Variants in TMC1 observed in about 807,000 individuals in gnomAD.
The protein encoded by TMC1 is transmembrane channel-like protein 1.
Under a neutral mutation model 105.8 loss-of-function variants are expected in TMC1, and 84 were observed. The ratio of observed to expected loss-of-function variants is 0.79; its 90% CI spans 0.67 to 0.95. TMC1 has a LOEUF of 0.95. TMC1 is among the 40% of genes least tolerant of loss of function. TMC1 has a pLI of 0.00. For missense variants in TMC1, 817 were observed against 914.1 expected, an observed-to-expected ratio of 0.89 and a Z score of 1.37; for synonymous variants, 315 against 311.5, an observed-to-expected ratio of 1.01 and a Z score of -0.12.
At chr9:72,544,516 G>A (rs981427667) in intron 1 of TMC1, among the ~76,000 whole-genome samples, 3 of 93,120 alleles carry the variant, frequency 3.2e-5, no homozygotes, top group Non-Finnish European at 6.2e-5. Flanking sequence ...TCTTGCTCTT[G>A]TTTTCCAGGC....
At chr9:72,753,641 A>G (rs1827621768) in intron 11 of TMC1, among the ~76,000 whole-genome samples, 1 of 151,906 alleles carries the variant, frequency 6.6e-6, no homozygotes, top group African/African-American at 2.4e-5. Flanking sequence ...ATGATTACCA[A>G]CTCCAGCAAA....
At chr9:72,637,141 A>G (rs2132140233) in intron 4 of TMC1, among the ~76,000 whole-genome samples, 1 of 152,082 alleles carries the variant, frequency 6.6e-6, no homozygotes, top group Non-Finnish European at 1.5e-5. Context: ...ATCATTTCAG[A>G]TATTTGCTAT....
intron 8 of TMC1, among the ~76,000 whole-genome samples, chr9:72,709,082 G>A (rs900448245): frequency 1.3e-5 from 2 of 152,110 alleles, no homozygotes; most frequent in Admixed American, 1.3e-4. Context: ...CCCATGCAGA[G>A]GGAGGGGGAT....
intron 18 of TMC1, among the ~76,000 whole-genome samples, chr9:72,811,881 C>T (rs981195435): frequency 5.3e-5 from 8 of 152,164 alleles, no homozygotes; most frequent in African/African-American, 1.7e-4. Flanking sequence ...GTATCAGAAA[C>T]TCTACAAAAT....
intron 1 of TMC1, among the ~76,000 whole-genome samples, chr9:72,523,000 C>T (rs1823341768): frequency 6.6e-6 from 1 of 152,192 alleles, no homozygotes; most frequent in Non-Finnish European, 1.5e-5. Context: ...TTAAAAATGT[C>T]TCCAGACTTT....
At chr9:72,571,375 T>TC (rs1491136630) in intron 1 of TMC1, among the ~76,000 whole-genome samples, 13 of 121,390 alleles carry the variant, frequency 1.1e-4, no homozygotes, top group Admixed American at 5.7e-4. Flanking sequence ...TACTTCTCTC[T>TC]TTCTCTCTCT....
rs1310931434 is a variant in TMC1 at position 72,816,279 on chromosome 9, G to A, written c.1763+69G>A. The A allele has an allele frequency of 1.7e-5, 25 of 1,430,356 alleles. No homozygotes were observed. The East Asian group carries it at 5.0e-4, about 29-fold the overall frequency. The allele number at this position is 1,430,356 out of a possible 1,614,324, so 88.6% of individuals were successfully genotyped here. On this transcript the variant is annotated intron_variant, in intron 19 of 23. Transcript: ENST00000297784. ...CCAGGTTATTTTTGCATACAGCATT[G>A]AATCCTGGTGTTAGAGGAGAATACA...
intron 1 of TMC1, among the ~76,000 whole-genome samples, chr9:72,542,716 A>G (rs771818046): frequency 1.1e-4 from 16 of 150,118 alleles, no homozygotes; most frequent in Middle Eastern, 3.2e-3. Context: ...GTCTCATTCT[A>G]TTGCCCAGGC....
At chr9:72,626,495 A>G (rs901949563) in intron 3 of TMC1, among the ~76,000 whole-genome samples, 1 of 152,230 alleles carries the variant, frequency 6.6e-6, no homozygotes, top group Non-Finnish European at 1.5e-5. Flanking sequence ...TAGCACCTTT[A>G]GTAACAACAC....
intron 2 of TMC1, among the ~76,000 whole-genome samples, chr9:72,580,984 C>T (rs1824465667): frequency 6.6e-6 from 1 of 152,214 alleles, no homozygotes; most frequent in African/African-American, 2.4e-5. Flanking sequence ...GCTCACTCTC[C>T]TCTGCCTCTC....
intron 7 of TMC1, among the ~76,000 whole-genome samples, chr9:72,699,691 T>A (rs907013484): frequency 8.5e-5 from 13 of 152,106 alleles, no homozygotes; most frequent in Non-Finnish European, 1.9e-4. Flanking sequence ...GTGCGGTGGC[T>A]CACACCTGTA....
chr9:72,650,996 T>C (rs1193459704), intron 5 of TMC1, among the ~76,000 whole-genome samples: 1 of 145,644 alleles, frequency 6.9e-6, no homozygotes, highest in East Asian at 2.0e-4. Context: ...GCTCCATCCA[T>C]GTTCCCACAT....
At chr9:72,787,017 CAAA>C (rs79774726) in intron 13 of TMC1, among the ~76,000 whole-genome samples, 6 of 101,692 alleles carry the variant, frequency 5.9e-5, no homozygotes, top group Non-Finnish European at 6.4e-5. Context: ...TTTTGGCCTC[CAAA>C]AAAAAAAAAA....
At chr9:72,729,385 C>G (rs376513692) in intron 8 of TMC1, among the ~76,000 whole-genome samples, 1 of 152,004 alleles carries the variant, frequency 6.6e-6, no homozygotes, top group Non-Finnish European at 1.5e-5. Context: ...AATGTACATG[C>G]AATTCTCTTT....
In TMC1 at chr9:72,617,765, A is replaced by T. The variant is rs73647603; in HGVS notation, c.-196+1288A>T. The stretch of plus-strand genomic sequence containing the variant: ...AGACTGTGTGAACCCAAGATGTTAT[A>T]GCTGCATCACACAGCTGAGAGAAGG... On this transcript the variant is annotated intron_variant, in intron 3 of 23. Transcript: ENST00000297784. 4.8e-3 allele frequency among the ~76,000 whole-genome samples: 726 copies of T among 152,334 alleles called. 9 individuals carry two copies. Among genetic ancestry groups the T allele is most frequent in the African/African-American group, 0.017 (710 of 41,578 alleles).
Position 72,792,260 on chromosome 9 carries a change from G to A in TMC1, c.1474G>A (p.Ala492Thr). 1 of 1,614,110 alleles carries A rather than the reference G, an allele frequency of 6.2e-7. No individual in the cohort carries two copies. The highest frequency in any genetic ancestry group is 8.5e-7 in the Non-Finnish European group (1 of 1,180,010). The part of the protein sequence containing the change: ...WEANMIKAYN[A>T]SFSENSTGPP... ...AGCCAATATGATCAAGGCCTACAAT[G>A]CATCATTCTCTGAAAATAGCACTGG... The change falls in exon 17 of 24, where the codon GCA becomes ACA. Residue 492 changes from alanine (A) to threonine (T), a missense_variant. By Grantham distance (58) the Ala-to-Thr change is moderately conservative. Coordinates refer to ENST00000297784, the MANE Select transcript of TMC1 (RefSeq NM_138691.3).
At chr9:72,822,233 T>G (rs769724098) in intron 20 of TMC1, among the ~76,000 whole-genome samples, 1 of 152,164 alleles carries the variant, frequency 6.6e-6, no homozygotes, top group Non-Finnish European at 1.5e-5. Flanking sequence ...TCCTTTTCAG[T>G]GAAGGAAATG....
At chr9:72,645,145 G>T (rs1323959855) in intron 4 of TMC1, among the ~76,000 whole-genome samples, 1 of 152,136 alleles carries the variant, frequency 6.6e-6, no homozygotes, top group Admixed American at 6.5e-5. Flanking sequence ...CATCTTGTTT[G>T]TGTCTTAATT....
At chr9:72,679,671 TAA>T (rs1826257155) in intron 5 of TMC1, among the ~76,000 whole-genome samples, 1 of 152,102 alleles carries the variant, frequency 6.6e-6, no homozygotes, top group Non-Finnish European at 1.5e-5. Flanking sequence ...AAAGAATGAA[TAA>T]AGTTTCTGGA....
Sources: gnomAD v4.1 joint callset for allele counts (sites outside exome capture counted in the v4.1 genomes callset) on GRCh38, gnomAD v4.1.1 for gene constraint, MANE v1.5 for transcripts, NCBI Gene and HGNC (gene_info 2026-07-23, HGNC 2026-07-21) for gene names.